GSTP1: variants seen among roughly 807,000 people sequenced by gnomAD.
The protein encoded by GSTP1 is glutathione S-transferase P.
GSTP1 carries 28 observed loss-of-function variants against 29.4 expected under a neutral mutation model. The ratio of observed to expected loss-of-function variants is 0.95; its 90% confidence interval spans 0.71 to 1.30. The LOEUF (loss-of-function observed/expected upper bound fraction) is 1.30. GSTP1 is among the 50% of genes most tolerant of loss of function. GSTP1 has a pLI of 0.00. For missense variants in GSTP1, 267 were observed against 266.1 expected (o/e 1.00, Z -0.02); for synonymous variants, 122 against 117.0 (o/e 1.04, Z -0.28).
chr11:67,586,394 C>G lies in GSTP1; in HGVS notation c.450C>G (p.Ser150=). The G allele has an allele frequency of 6.2e-7, 1 of 1,612,952 alleles. No homozygotes were observed. The highest frequency in any genetic ancestry group is 8.5e-7 in the Non-Finnish European group (1 of 1,179,398). ...GKTFIVGDQI[S]FADYNLLDLL... is the part of the protein sequence containing the mutation. ...CTGGCCCCCCTGCCCTGCAGATCTC[C>G]TTCGCTGACTACAACCTGCTGGACT... Residue 150 remains serine, a synonymous_variant, in exon 7 of 7, where the codon TCC becomes TCG. Transcript: ENST00000398606.
At chr11:67,584,322 C>A in intron 2 of GSTP1, 142 bp from the exon 3 acceptor site, 1 of 724,412 alleles carries the variant, frequency 1.4e-6, no homozygotes, top group Non-Finnish European at 2.3e-6. Context: ...TCCCGCCATG[C>A]CTGCTCCCCG....
rs762582956 is a variant in GSTP1 at position 67,586,554 on chromosome 11, A to G, written c.610A>G (p.Ile204Val). 4 of 1,613,144 alleles carry G rather than the reference A, an allele frequency of 2.5e-6. No individual in the cohort carries two copies. Among genetic ancestry groups the G allele is most frequent in the Non-Finnish European group, 3.4e-6 (4 of 1,179,492 alleles). ...LASPEYVNLP[I>V]NGNGKQ ...CTCCCCTGAGTACGTGAACCTCCCC[A>G]TCAATGGCAACGGGAAACAGTGAGG... Residue 204 changes from isoleucine to valine, a missense_variant, in exon 7 of 7, where the codon ATC (isoleucine) becomes GTC (valine). By Grantham distance (29) the Ile-to-Val change is conservative (BLOSUM62 3). Coordinates refer to ENST00000398606, the MANE Select transcript of GSTP1 (RefSeq NM_000852.4).
intron 5 of GSTP1, 133 bp downstream of exon 5, chr11:67,585,374 TCTGGGCCAGGGGCCCAGGGGCCTGGGA>T: frequency 1.6e-6 from 1 of 624,800 alleles, no homozygotes; most frequent in Non-Finnish European, 2.8e-6. Flanking sequence ...CTGGGTCAGC[TCTGGGCCAGGGGCCCAGGGGCCTGGGA>T]CAAGACACAA....
chr11:67,585,166 A>T lies in GSTP1; in HGVS notation c.261A>T (p.Ala87=), dbSNP rs2134394225. Residue 87 remains alanine (A), a synonymous_variant, in exon 5 of 7, where the codon GCA becomes GCT. Coordinates refer to ENST00000398606, the MANE Select transcript of GSTP1 (RefSeq NM_000852.4). ...LGLYGKDQQE[A]ALVDMVNDGV... The stretch of plus-strand genomic sequence containing the variant: ...TCTATGGGAAGGACCAGCAGGAGGC[A>T]GCCCTGGTGGACATGGTGAATGACG... 2 of 1,613,370 alleles carry T rather than the reference A, an allele frequency of 1.2e-6. No homozygotes were observed. The highest frequency in any genetic ancestry group is 1.7e-6 in the Non-Finnish European group (2 of 1,179,324).
intron 5 of GSTP1, 121 bp from the exon 6 acceptor site, chr11:67,585,983 C>G (rs1336468758): frequency 2.9e-6 from 2 of 693,964 alleles, no homozygotes; most frequent in Non-Finnish European, 5.2e-6. Context: ...TTGGTACTAG[C>G]CTGGTTGTGG....
In GSTP1 at chr11:67,586,089, G is replaced by T; in HGVS notation, c.337-15G>T. The stretch of plus-strand genomic sequence containing the variant: ...GAGGGATGAGAGTAGGATGATACAT[G>T]GTGGTGTCTGGCAGGAGGCGGGCAA... On this transcript the variant is annotated splice_polypyrimidine_tract_variant and intron_variant, in intron 5 of 6. Coordinates refer to ENST00000398606, the MANE Select transcript of GSTP1 (RefSeq NM_000852.4). The T allele has an allele frequency of 6.3e-7, 1 of 1,593,098 alleles. No homozygotes were observed. The highest frequency in any genetic ancestry group is 1.1e-5 in the South Asian group (1 of 90,522).
intron 5 of GSTP1, among the ~76,000 whole-genome samples, chr11:67,585,737 G>A (rs1867457708): frequency 1.3e-5 from 2 of 152,094 alleles, no homozygotes; most frequent in Non-Finnish European, 2.9e-5. Context: ...AGGAGATAGA[G>A]ATGGGCGGGC....
rs11553892 is a variant in GSTP1 at position 67,586,470 on chromosome 11, C to T, written c.526C>T (p.Leu176=). 3 of 1,614,184 alleles carry T rather than the reference C, an allele frequency of 1.9e-6. No individual in the cohort carries two copies. The highest frequency in any genetic ancestry group is 2.2e-5 in the South Asian group (2 of 91,076). The part of the protein sequence containing the change: ...LAPGCLDAFP[L]LSAYVGRLSA... ...CCCTGGCTGCCTGGATGCGTTCCCC[C>T]TGCTCTCAGCATATGTGGGGCGCCT... The change falls in exon 7 of 7, where the codon CTG becomes TTG. Residue 176 remains leucine, a synonymous_variant. Transcript: ENST00000398606.
intron 5 of GSTP1, among the ~76,000 whole-genome samples, chr11:67,585,521 G>A (rs565765457): frequency 9.2e-5 from 14 of 152,294 alleles, no homozygotes; most frequent in African/African-American, 2.9e-4. Flanking sequence ...CTGGGGTGGC[G>A]AGGGCTTCCT....
At position 67,584,452 on chromosome 11, in the gene GSTP1, C is replaced by T. The variant is rs1026489268; in HGVS notation, c.38-12C>T. The T allele has an allele frequency of 6.9e-7, 1 of 1,451,506 alleles. No individual in the cohort carries two copies. The allele number at this position is 1,451,506 out of a possible 1,614,324, so 89.9% of individuals were successfully genotyped here. The stretch of plus-strand genomic sequence containing the variant: ...CCCGGTCCCCACATCTCGTACTTCT[C>T]CCTCCCCGCAGGCCGCTGCGCGGCC... On this transcript the variant is annotated splice_polypyrimidine_tract_variant and intron_variant, in intron 2 of 6. Coordinates refer to ENST00000398606, the MANE Select transcript of GSTP1 (RefSeq NM_000852.4).
intron 5 of GSTP1, 83 bp downstream of exon 5, chr11:67,585,324 G>A: frequency 1.0e-6 from 1 of 986,728 alleles, no homozygotes; most frequent in Non-Finnish European, 1.6e-6. Context: ...TACCCCTCAG[G>A]TGGCTTGGGC....
intron 5 of GSTP1, 102 bp downstream of exon 5, chr11:67,585,343 T>A: frequency 1.3e-6 from 1 of 775,924 alleles, no homozygotes; most frequent in Non-Finnish European, 2.1e-6. Context: ...GCTGACCCCT[T>A]CTTGGGTCAG....
rs1401936187 is a variant in GSTP1 at position 67,584,772 on chromosome 11, G to C, written c.232G>C (p.Gly78Arg). The change falls in exon 4 of 7, where the codon GGG (glycine) becomes CGG (arginine). Residue 78 changes from glycine (G) to arginine (R), a missense_variant and splice_region_variant. Physicochemically the swap from Gly to Arg is moderately radical, Grantham distance 125. Transcript: ENST00000398606. ...TILRHLGRTL[G>R]LYGKDQQEAA... ...CCTGCGTCACCTGGGCCGCACCCTT[G>C]GTGAGTCTTGAACCTCCAAGTCCAG... is the stretch of plus-strand genomic sequence containing the variant. The C allele has an allele frequency of 6.2e-7, 1 of 1,609,134 alleles. No individual in the cohort carries two copies. Among genetic ancestry groups the C allele is most frequent in the Admixed American group, 1.7e-5 (1 of 60,014 alleles).
At position 67,584,188 on chromosome 11, in the gene GSTP1, C is replaced by A; in HGVS notation, c.37+19C>A. 1 of 1,602,506 alleles carries A rather than the reference C, an allele frequency of 6.2e-7. No individual in the cohort carries two copies. Among genetic ancestry groups the A allele is most frequent in the East Asian group, 2.2e-5 (1 of 44,752 alleles). ...GTTCGAGGTAGGAGCATGTGTCTGG[C>A]AGGGAAGGGAGGCAGGGGCTGGGGC... is the stretch of plus-strand genomic sequence containing the variant. On this transcript the variant is annotated intron_variant, in intron 2 of 6. Transcript: ENST00000398606.
chr11:67,586,403 C>A lies in GSTP1; in HGVS notation c.459C>A (p.Asp153Glu), dbSNP rs750205427. 5 of 1,613,732 alleles carry A rather than the reference C, an allele frequency of 3.1e-6. No individual in the cohort carries two copies. Among genetic ancestry groups the A allele is most frequent in the Non-Finnish European group, 4.2e-6 (5 of 1,179,776 alleles). ...CTGCCCTGCAGATCTCCTTCGCTGA[C>A]TACAACCTGCTGGACTTGCTGCTGA... ...FIVGDQISFA[D>E]YNLLDLLLIH... is the part of the protein sequence containing the mutation. Residue 153 changes from aspartate to glutamate, a missense_variant, in exon 7 of 7, where the codon GAC becomes GAA. Transcript: ENST00000398606.
In GSTP1 at chr11:67,586,112, C is replaced by T. The variant is rs1867462803; in HGVS notation, c.345C>T (p.Gly115=). ...ATGGTGGTGTCTGGCAGGAGGCGGG[C>T]AAGGATGACTATGTGAAGGCACTGC... ...ISLIYTNYEA[G]KDDYVKALPG... Residue 115 remains glycine, a synonymous_variant, in exon 6 of 7, where the codon GGC becomes GGT. Coordinates refer to ENST00000398606, the MANE Select transcript of GSTP1 (RefSeq NM_000852.4). 6.2e-7 allele frequency: 1 copy of T among 1,612,794 alleles called. No individual in the cohort carries two copies. Among genetic ancestry groups the T allele is most frequent in the Non-Finnish European group, 8.5e-7 (1 of 1,179,032 alleles).
At chr11:67,585,972 T>G in intron 5 of GSTP1, 132 bp from the exon 6 acceptor site, 1 of 651,652 alleles carries the variant, frequency 1.5e-6, no homozygotes, top group Non-Finnish European at 2.8e-6. Context: ...GTGGACAGGA[T>G]TTGGTACTAG....
chr11:67,585,877 G>C (rs1867459161), intron 5 of GSTP1, among the ~76,000 whole-genome samples: 1 of 152,130 alleles, frequency 6.6e-6, no homozygotes, highest in Non-Finnish European at 1.5e-5. Context: ...AGAGAAGCCA[G>C]CTCTAAAGCT....
At chr11:67,584,058 A>AG (rs8191443) in intron 1 of GSTP1, 76 bp from the exon 2 acceptor site, 532,178 of 1,159,850 alleles carry the variant, frequency 0.46, 127,372 homozygotes, top group East Asian at 0.68. Context: ...GGGGGCGGGG[A>AG]GGGGGGGCAG....
Sources: allele counts gnomAD v4.1 joint callset (sites outside exome capture counted in the v4.1 genomes callset), GRCh38; gene constraint gnomAD v4.1.1; transcripts MANE v1.5; gene names NCBI Gene and HGNC (gene_info 2026-07-23, HGNC 2026-07-21).